Variants in NTM observed in about 807,000 individuals in gnomAD.
The protein encoded by NTM is IgLON family member 2.
Under a neutral mutation model 42.1 loss-of-function variants are expected in NTM, and 13 were observed. That is an observed-to-expected ratio of 0.31 (90% confidence interval 0.20 to 0.49). The LOEUF (loss-of-function observed/expected upper bound fraction) is 0.49. Ranked by LOEUF, NTM falls within the 20% of genes least tolerant of loss-of-function variation. The pLI, the probability that NTM is intolerant of heterozygous loss-of-function variation, is 0.99. For missense variants in NTM, 373 were observed against 452.8 expected (o/e 0.82, Z 1.60); for synonymous variants, 187 against 179.2 (o/e 1.04, Z -0.35).
At chr11:132,054,823 T>C (rs1173426675) in intron 2 of NTM, among the ~76,000 whole-genome samples, 2 of 152,190 alleles carry the variant, frequency 1.3e-5, no homozygotes, top group African/African-American at 2.4e-5. Context: ...CCATCTAGTT[T>C]ATAGCAAATC....
intron 1 of NTM, among the ~76,000 whole-genome samples, chr11:131,804,020 T>C (rs976850494): frequency 1.7e-4 from 26 of 152,218 alleles, no homozygotes; most frequent in African/African-American, 6.3e-4. Flanking sequence ...TATTACCAGC[T>C]CTGTCTTCCT....
chr11:132,175,102 A>C (rs976833373), intron 3 of NTM, among the ~76,000 whole-genome samples: 3 of 152,092 alleles, frequency 2.0e-5, no homozygotes, highest in Admixed American at 2.0e-4. Context: ...GTGGGTAATA[A>C]AAGTGCCCAG....
chr11:131,568,206 A>T (rs1300415698), intron 1 of NTM, among the ~76,000 whole-genome samples: 1 of 152,206 alleles, frequency 6.6e-6, no homozygotes, highest in Admixed American at 6.5e-5. Context: ...AACAAAAAAG[A>T]TGTGGCAAAA....
intron 2 of NTM, among the ~76,000 whole-genome samples, chr11:132,143,337 C>G (rs1218565449): frequency 6.6e-6 from 1 of 152,122 alleles, no homozygotes; most frequent in Non-Finnish European, 1.5e-5. Context: ...GGAGTAAGGT[C>G]CCAGGAATCT....
intron 1 of NTM, chr11:131,671,511 C>A (rs1257545633): frequency 1.0e-6 from 1 of 983,722 alleles, no homozygotes; most frequent in African/African-American, 1.8e-5. Flanking sequence ...CAGGGCCTAC[C>A]GGTGGCTGCC....
chr11:132,153,781 T>TAG (rs2072524035), intron 3 of NTM, among the ~76,000 whole-genome samples: 1 of 152,176 alleles, frequency 6.6e-6, no homozygotes, highest in Non-Finnish European at 1.5e-5. Context: ...ACACAAAGAT[T>TAG]CAGACAGAGC....
At chr11:131,903,359 T>A (rs1297025715) in intron 1 of NTM, among the ~76,000 whole-genome samples, 2 of 152,250 alleles carry the variant, frequency 1.3e-5, no homozygotes, top group African/African-American at 2.4e-5. Context: ...TTAGATTTAA[T>A]AGGACCGTTA....
At chr11:132,137,889 G>A (rs1317215020) in intron 2 of NTM, among the ~76,000 whole-genome samples, 2 of 152,168 alleles carry the variant, frequency 1.3e-5, no homozygotes, top group Non-Finnish European at 2.9e-5. Context: ...TGGTGGACTT[G>A]CGGACACACA....
intron 1 of NTM, among the ~76,000 whole-genome samples, chr11:131,837,316 T>C (rs1565613035): frequency 3.3e-5 from 5 of 152,190 alleles, no homozygotes; most frequent in South Asian, 2.1e-4. Context: ...ATTAAGTATT[T>C]AGTGATTCCT....
At chr11:131,978,986 T>C (rs1024280212) in intron 2 of NTM, among the ~76,000 whole-genome samples, 8 of 152,134 alleles carry the variant, frequency 5.3e-5, no homozygotes, top group African/African-American at 1.9e-4. Context: ...CTAACTCCCT[T>C]GTTTTTTAAG....
intron 4 of NTM, among the ~76,000 whole-genome samples, chr11:132,222,255 C>T (rs1248208414): frequency 6.6e-6 from 1 of 152,220 alleles, no homozygotes; most frequent in African/African-American, 2.4e-5. Flanking sequence ...TCTTTCCTCT[C>T]TTCCACCTGG....
chr11:131,870,877 C>A (rs894110725), intron 1 of NTM, among the ~76,000 whole-genome samples: 1 of 152,090 alleles, frequency 6.6e-6, no homozygotes, highest in Admixed American at 6.5e-5. Flanking sequence ...GAGATGAAGA[C>A]TCAAATGCGT....
intron 1 of NTM, among the ~76,000 whole-genome samples, chr11:131,444,308 C>T (rs1346869624): frequency 1.3e-5 from 2 of 149,380 alleles, no homozygotes; most frequent in Non-Finnish European, 3.0e-5. Flanking sequence ...GGCAACTTGA[C>T]ATTATAAAAG....
chr11:131,372,403 A>G (rs912668005), intron 1 of NTM, among the ~76,000 whole-genome samples: 5 of 152,118 alleles, frequency 3.3e-5, no homozygotes, highest in African/African-American at 1.2e-4. Flanking sequence ...ACTTGGAGGC[A>G]TCCTCGATTG....
chr11:132,251,102 G>A (rs529626042), intron 4 of NTM, among the ~76,000 whole-genome samples: 13 of 152,294 alleles, frequency 8.5e-5, no homozygotes, highest in East Asian at 3.9e-4. Context: ...AATTCAAACC[G>A]TAACACAATT....
At chr11:132,298,899 C>T (rs780753262) in intron 4 of NTM, among the ~76,000 whole-genome samples, 4 of 152,126 alleles carry the variant, frequency 2.6e-5, no homozygotes, top group Non-Finnish European at 4.4e-5. Context: ...TGTATACACA[C>T]ACACACACAC....
chr11:132,075,823 G>T (rs2058292028), intron 2 of NTM, among the ~76,000 whole-genome samples: 1 of 152,074 alleles, frequency 6.6e-6, no homozygotes, highest in Non-Finnish European at 1.5e-5. Context: ...CAGCCTAAAG[G>T]CAGAAAAGGA....
intron 2 of NTM, among the ~76,000 whole-genome samples, chr11:132,136,801 G>C (rs758969300): frequency 6.6e-6 from 1 of 152,282 alleles, no homozygotes; most frequent in South Asian, 2.1e-4. Context: ...CTAGAGGCAG[G>C]ATCCAGGTCG....
At chr11:131,912,181 G>T (rs561490837) in intron 2 of NTM, among the ~76,000 whole-genome samples, 1 of 152,184 alleles carries the variant, frequency 6.6e-6, no homozygotes, top group East Asian at 1.9e-4. Context: ...CCTTCATGCC[G>T]TGAGCTGGTG....
Sources: gnomAD v4.1 joint callset for allele counts (sites outside exome capture counted in the v4.1 genomes callset) on GRCh38, gnomAD v4.1.1 for gene constraint, MANE v1.5 for transcripts, NCBI Gene and HGNC (gene_info 2026-07-23, HGNC 2026-07-21) for gene names.